The following AGBL4 variants were observed in gnomAD, a reference collection of about 807,000 sequenced individuals.
The protein encoded by AGBL4 is cytosolic carboxypeptidase 6.
Under a neutral mutation model 66.4 loss-of-function variants are expected in AGBL4, and 58 were observed. That is an observed-to-expected ratio of 0.87 (90% CI 0.71 to 1.09). The LOEUF (loss-of-function observed/expected upper bound fraction) is 1.09. Ranked by LOEUF, AGBL4 falls within the 50% of genes least tolerant of loss-of-function variation. AGBL4 has a pLI of 0.00. For missense variants in AGBL4, 579 were observed against 631.0 expected, an observed-to-expected ratio of 0.92 and a Z score of 0.88; for synonymous variants, 234 against 222.9, an observed-to-expected ratio of 1.05 and a Z score of -0.44.
chr1:48,540,698 G>A (rs1023838961), intron 11 of AGBL4, among the ~76,000 whole-genome samples: 4 of 152,042 alleles, frequency 2.6e-5, no homozygotes, highest in South Asian at 2.1e-4. Context: ...AATCCTTAGC[G>A]ATTGCTTCTC....
intron 3 of AGBL4, among the ~76,000 whole-genome samples, chr1:49,482,072 T>C (rs2148727945): frequency 6.6e-6 from 1 of 151,824 alleles, no homozygotes. Flanking sequence ...TCAAGGAAAT[T>C]GGCCTGAAGT....
At chr1:49,362,146 T>G (rs1289787149) in intron 3 of AGBL4, among the ~76,000 whole-genome samples, 1 of 152,128 alleles carries the variant, frequency 6.6e-6, no homozygotes, top group Non-Finnish European at 1.5e-5. Flanking sequence ...TGAATGTTGT[T>G]GTAATCTGAA....
At chr1:48,843,451 T>C (rs918296028) in intron 6 of AGBL4, among the ~76,000 whole-genome samples, 1 of 152,138 alleles carries the variant, frequency 6.6e-6, no homozygotes, top group African/African-American at 2.4e-5. Flanking sequence ...TAAATGATCA[T>C]AGCAAAATCT....
intron 1 of AGBL4, among the ~76,000 whole-genome samples, chr1:50,010,367 C>T (rs1661440320): frequency 6.6e-6 from 1 of 151,682 alleles, no homozygotes; most frequent in African/African-American, 2.4e-5. Context: ...AATGTTCATA[C>T]TATCCAAAGC....
At chr1:49,855,655 T>C (rs941852367) in intron 1 of AGBL4, among the ~76,000 whole-genome samples, 5 of 152,132 alleles carry the variant, frequency 3.3e-5, no homozygotes, top group Non-Finnish European at 7.4e-5. Context: ...TGTATTACCA[T>C]TGGATCAATG....
At chr1:49,801,039 C>T (rs1411027810) in intron 2 of AGBL4, among the ~76,000 whole-genome samples, 1 of 151,804 alleles carries the variant, frequency 6.6e-6, no homozygotes, top group Non-Finnish European at 1.5e-5. Flanking sequence ...TGTTTCCTGA[C>T]TTTTTAATGA....
chr1:49,418,438 T>C (rs999607057), intron 3 of AGBL4, among the ~76,000 whole-genome samples: 1 of 152,194 alleles, frequency 6.6e-6, no homozygotes, highest in African/African-American at 2.4e-5. Flanking sequence ...CGTAGTCTAA[T>C]AGAAGAGACT....
intron 4 of AGBL4, among the ~76,000 whole-genome samples, chr1:49,121,110 C>A (rs960712272): frequency 4.6e-5 from 7 of 152,144 alleles, no homozygotes; most frequent in South Asian, 2.1e-4. Context: ...ATTTGCCTAA[C>A]CTATTTTCAA....
intron 6 of AGBL4, among the ~76,000 whole-genome samples, chr1:48,675,592 C>T (rs1204940304): frequency 1.3e-5 from 2 of 152,192 alleles, no homozygotes; most frequent in African/African-American, 4.8e-5. Flanking sequence ...AGTGGATTAA[C>T]AAGCAATCAG....
intron 11 of AGBL4, among the ~76,000 whole-genome samples, chr1:48,579,786 C>A (rs552113353): frequency 1.3e-5 from 2 of 150,186 alleles, no homozygotes; most frequent in East Asian, 2.0e-4. Context: ...GGCACGGTGG[C>A]GGGCGCCTGT....
intron 6 of AGBL4, among the ~76,000 whole-genome samples, chr1:48,771,635 C>T (rs1644838938): frequency 2.6e-5 from 4 of 152,204 alleles, no homozygotes; most frequent in Admixed American, 2.6e-4. Flanking sequence ...AGTTTTCACT[C>T]ACTTTTTTCA....
At chr1:49,565,263 C>T (rs1052410055) in intron 3 of AGBL4, among the ~76,000 whole-genome samples, 4 of 152,144 alleles carry the variant, frequency 2.6e-5, no homozygotes, top group African/African-American at 9.7e-5. Flanking sequence ...ATCCAAATTG[C>T]CAGTCTGTGC....
chr1:49,266,681 C>T (rs972766953), intron 3 of AGBL4, among the ~76,000 whole-genome samples: 1 of 151,642 alleles, frequency 6.6e-6, no homozygotes, highest in South Asian at 2.1e-4. Flanking sequence ...TGAATTTTTG[C>T]TGAGGAATAA....
chr1:49,158,098 A>G (rs1017886646), intron 4 of AGBL4, among the ~76,000 whole-genome samples: 1 of 152,096 alleles, frequency 6.6e-6, no homozygotes, highest in Non-Finnish European at 1.5e-5. Context: ...TCCCTATTTA[A>G]TAAATGTTGG....
intron 3 of AGBL4, among the ~76,000 whole-genome samples, chr1:49,542,736 A>T (rs369336469): frequency 5.3e-5 from 8 of 151,876 alleles, no homozygotes; most frequent in African/African-American, 1.7e-4. Flanking sequence ...TGTCTCTACT[A>T]AAAATACAAA....
chr1:49,920,608 T>A (rs988352973), intron 1 of AGBL4, among the ~76,000 whole-genome samples: 1 of 151,958 alleles, frequency 6.6e-6, no homozygotes, highest in African/African-American at 2.4e-5. Flanking sequence ...CTGGAGAGGA[T>A]GTGGAGAAAT....
intron 3 of AGBL4, among the ~76,000 whole-genome samples, chr1:49,586,116 G>A (rs1644641849): frequency 6.6e-6 from 1 of 152,096 alleles, no homozygotes; most frequent in Non-Finnish European, 1.5e-5. Flanking sequence ...CAAATACTGA[G>A]TTAAATTATT....
At chr1:48,715,350 A>G (rs1647032338) in intron 6 of AGBL4, among the ~76,000 whole-genome samples, 1 of 152,178 alleles carries the variant, frequency 6.6e-6, no homozygotes, top group African/African-American at 2.4e-5. Context: ...AATCCAGCCC[A>G]GTAACACCCA....
chr1:49,046,042 T>C (rs1314947487), intron 4 of AGBL4, among the ~76,000 whole-genome samples: 1 of 152,186 alleles, frequency 6.6e-6, no homozygotes, highest in Non-Finnish European at 1.5e-5. Context: ...TAAACAAAAA[T>C]AGACACATTC....
Sources: allele counts gnomAD v4.1 joint callset (sites outside exome capture counted in the v4.1 genomes callset), GRCh38; gene constraint gnomAD v4.1.1; transcripts MANE v1.5; gene names NCBI Gene and HGNC (gene_info 2026-07-23, HGNC 2026-07-21).